The following GCLC variants were observed in gnomAD, a reference collection of about 807,000 sequenced individuals.
The protein encoded by GCLC is glutamate--cysteine ligase catalytic subunit.
GCLC carries 30 observed loss-of-function variants against 81.5 expected under a neutral mutation model. That is an observed-to-expected ratio of 0.37 (90% CI 0.28 to 0.50). The LOEUF is 0.50. GCLC is among the 20% of genes least tolerant of loss of function. The probability of loss-of-function intolerance (pLI) is 0.96; values close to 1 mark genes in which losing one functional copy is unlikely to be tolerated. For missense variants in GCLC, 556 were observed against 777.4 expected (o/e 0.72, Z 3.39); for synonymous variants, 262 against 273.3 (o/e 0.96, Z 0.41).
At chr6:53,535,637 T>C (rs1430738345) in intron 1 of GCLC, among the ~76,000 whole-genome samples, 2 of 152,210 alleles carry the variant, frequency 1.3e-5, no homozygotes, top group South Asian at 4.1e-4. Flanking sequence ...CAAAACTCAA[T>C]AGTTTTAGAA....
At position 53,508,637 on chromosome 6, in the gene GCLC, A is replaced by G; in HGVS notation, c.903T>C (p.Ser301=). Residue 301 remains serine (S), a synonymous_variant, in exon 8 of 16, where the codon TCT becomes TCC. Transcript: ENST00000650454. The part of the protein sequence containing the change: ...SDIDCRWGVI[S]ASVDDRTREE... ...CCCGAGTTCTATCATCTACAGATGC[A>G]GAAATCACTCCCCAGCGACAATCAA... 1.2e-6 allele frequency: 2 copies of G among 1,613,646 alleles called. No homozygotes were observed. The highest frequency in any genetic ancestry group is 8.5e-7 in the Non-Finnish European group (1 of 1,179,542).
At chr6:53,507,428 T>C (rs1438825906) in intron 9 of GCLC, 52 bp downstream of exon 9, 1 of 1,600,732 alleles carries the variant, frequency 6.2e-7, no homozygotes, top group African/African-American at 1.3e-5. Flanking sequence ...AAAAGAGCTT[T>C]GAAGAACTAA....
Position 53,507,017 on chromosome 6 carries a change from G to C in GCLC, c.1093C>G (p.His365Asp). 1 of 1,581,770 alleles carries C rather than the reference G, an allele frequency of 6.3e-7. No homozygotes were observed. The highest frequency in any genetic ancestry group is 8.7e-7 in the Non-Finnish European group (1 of 1,150,558). Residue 365 changes from histidine (H) to aspartate (D), a missense_variant, in exon 10 of 16, where the codon CAT (histidine) becomes GAT (aspartate). Around this residue, in one of 3 missense-constraint regions of GCLC, gnomAD observed 313 missense variants for 437.3 expected, o/e 0.72. Transcript: ENST00000650454. ...YEQLLQEGID[H>D]LLAQHVAHLF... is the part of the protein sequence containing the mutation. ...TGAGCAACATGCTGGGCCAGGAGATGATCAATGCCTGCAAAAAGAGATCAC... is the reference window on the plus strand; with the variant it reads ...TGAGCAACATGCTGGGCCAGGAGATCATCAATGCCTGCAAAAAGAGATCAC...
Position 53,506,675 on chromosome 6 carries a change from C to A in GCLC, c.1197+238G>T. 4.3e-6 allele frequency: 2 copies of A among 469,778 alleles called. No individual in the cohort carries two copies. Among genetic ancestry groups the A allele is most frequent in the Non-Finnish European group, 7.6e-6 (2 of 261,508 alleles). The allele number at this position is 469,778 out of a possible 1,614,324, so 29.1% of individuals were successfully genotyped here. A position where few individuals can be genotyped will look rare whatever the true frequency, so the allele number is the denominator to read the frequency against. On this transcript the variant is annotated intron_variant, in intron 10 of 15. Coordinates refer to ENST00000650454, the MANE Select transcript of GCLC (RefSeq NM_001498.4). This position sits in a 1 kb window ranked among gnomAD's most constrained non-coding sequence, Gnocchi z 4.0. ...GAACAATAAAAAAAAAAATTAGAATCAGTGAGATAAACAGTAAGAATCGTA... is the reference window on the plus strand; with the variant it reads ...GAACAATAAAAAAAAAAATTAGAATAAGTGAGATAAACAGTAAGAATCGTA...
chr6:53,541,656 G>A (rs1161484270), intron 1 of GCLC, among the ~76,000 whole-genome samples: 8 of 152,134 alleles, frequency 5.3e-5, no homozygotes, highest in African/African-American at 1.9e-4. Context: ...AAACAAAATA[G>A]TCTAGGGAAA....
In GCLC at chr6:53,500,401, C is replaced by T. The variant is rs531726631; in HGVS notation, c.1477+31G>A. 27 of 1,604,066 alleles carry T rather than the reference C, an allele frequency of 1.7e-5. 2 individuals carry two copies. The South Asian group carries it at 3.0e-4, about 18-fold the overall frequency. On this transcript the variant is annotated intron_variant, in intron 13 of 15. Coordinates refer to ENST00000650454, the MANE Select transcript of GCLC (RefSeq NM_001498.4). ...CTTTAGCAGCTTGTTGCAGCATAAGCTGACATTAGAAATCTAAGATAATGT... is the reference window on the plus strand; with the variant it reads ...CTTTAGCAGCTTGTTGCAGCATAAGTTGACATTAGAAATCTAAGATAATGT...
At chr6:53,513,898 C>A in intron 6 of GCLC, 1 of 332,280 alleles carries the variant, frequency 3.0e-6, no homozygotes, top group East Asian at 6.3e-5. Context: ...AAAAACTAGG[C>A]ATATAAAAAG....
intron 3 of GCLC, among the ~76,000 whole-genome samples, chr6:53,516,604 G>A (rs1008365050): frequency 1.3e-5 from 2 of 152,112 alleles, no homozygotes; most frequent in African/African-American, 2.4e-5. Flanking sequence ...GGCCTATGAG[G>A]TGTCTTCCTT....
intron 1 of GCLC, among the ~76,000 whole-genome samples, chr6:53,537,199 A>C (rs534429962): frequency 1.4e-4 from 22 of 152,320 alleles, no homozygotes; most frequent in African/African-American, 5.1e-4. Flanking sequence ...AACCAGAATC[A>C]ACTGAAGTGC....
intron 8 of GCLC, 87 bp downstream of exon 8, chr6:53,508,508 G>T: frequency 3.6e-6 from 3 of 839,232 alleles, no homozygotes; most frequent in South Asian, 2.7e-5. Flanking sequence ...AAAATTGCAG[G>T]GAGACATCCT....
intron 1 of GCLC, 137 bp downstream of exon 1, chr6:53,544,359 G>A (rs1046203669): frequency 5.0e-6 from 4 of 796,876 alleles, no homozygotes; most frequent in Admixed American, 2.2e-5. Context: ...TGCTCCCGGG[G>A]CCGGGAGGCG....
At chr6:53,513,009 G>A (rs1485656369) in intron 6 of GCLC, 3 of 152,154 alleles carry the variant, frequency 2.0e-5, no homozygotes, top group Non-Finnish European at 2.9e-5. Context: ...AAGTGTGATG[G>A]TTTATGTTTA....
chr6:53,520,215 A>G (rs958119101), intron 3 of GCLC, among the ~76,000 whole-genome samples: 1 of 152,216 alleles, frequency 6.6e-6, no homozygotes, highest in Non-Finnish European at 1.5e-5. Flanking sequence ...ACTAGATTTG[A>G]TGACAAACCC....
intron 1 of GCLC, among the ~76,000 whole-genome samples, chr6:53,523,560 T>C (rs1763033613): frequency 2.6e-5 from 4 of 152,214 alleles, no homozygotes; most frequent in African/African-American, 9.6e-5. Context: ...TCCCAGATAT[T>C]TCACATGTAA....
At chr6:53,509,731 C>T in intron 6 of GCLC, 1 of 183,400 alleles carries the variant, frequency 5.5e-6, no homozygotes, top group Non-Finnish European at 1.1e-5. Context: ...TCACTGAAAG[C>T]TCCACCTCCT....
At chr6:53,518,568 A>C (rs557635913) in intron 3 of GCLC, among the ~76,000 whole-genome samples, 23 of 152,248 alleles carry the variant, frequency 1.5e-4, no homozygotes, top group Non-Finnish European at 2.9e-4. Context: ...CTTTTTTAAA[A>C]AGGCAACTAT....
At chr6:53,517,262 TTTTTTTTTTTTTTTTC>T (rs1764897801) in intron 3 of GCLC, among the ~76,000 whole-genome samples, 1 of 130,220 alleles carries the variant, frequency 7.7e-6, no homozygotes. Context: ...TTTTTTTTTT[TTTTTTTTTTTTTTTTC>T]CAGGGACGAG....
chr6:53,519,720 C>CCT (rs918107700), intron 3 of GCLC, among the ~76,000 whole-genome samples: 1 of 152,154 alleles, frequency 6.6e-6, no homozygotes, highest in Non-Finnish European at 1.5e-5. Flanking sequence ...ATCTGTCCAC[C>CCT]CTCACCCAGC....
chr6:53,542,143 G>A (rs571684959), intron 1 of GCLC, among the ~76,000 whole-genome samples: 37 of 152,244 alleles, frequency 2.4e-4, no homozygotes, highest in African/African-American at 7.9e-4. Flanking sequence ...GGGCCACCAC[G>A]CCCAGCCATT....
Sources: allele counts gnomAD v4.1 joint callset (sites outside exome capture counted in the v4.1 genomes callset), GRCh38; gene constraint gnomAD v4.1.1; regional missense constraint gnomAD v4.1.1; non-coding constraint Gnocchi (gnomAD v3.1); transcripts MANE v1.5; gene names NCBI Gene and HGNC (gene_info 2026-07-23, HGNC 2026-07-21).